PPL: variants seen among roughly 807,000 people sequenced by gnomAD.
PPL encodes periplakin, also known as 190 kDa paraneoplastic pemphigus antigen.
A neutral mutation model predicts 194.4 loss-of-function variants in PPL; 198 were observed. The ratio of observed to expected loss-of-function variants is 1.02; its 90% confidence interval spans 0.91 to 1.15. PPL has a LOEUF of 1.15. Among genes scored for constraint, PPL ranks in the 50% most tolerant of loss-of-function variants. The pLI is 0.00. For missense variants in PPL, 2,885 were observed against 2,294.8 expected, an observed-to-expected ratio of 1.26 and a Z score of -5.25; for synonymous variants, 1,220 against 972.4, an observed-to-expected ratio of 1.25 and a Z score of -4.74.
rs1429970757 is a variant in PPL at position 4,900,950 on chromosome 16, A to C, written c.564+14T>G. 3.1e-6 allele frequency: 5 copies of C among 1,613,894 alleles called. No homozygotes were observed. The highest frequency in any genetic ancestry group is 2.7e-5 in the African/African-American group (2 of 74,922). ...TCCATCCCTGGGTCCCCACCACACC[A>C]GCACACGCCCCACCTTGTCCCCGTC... is the stretch of plus-strand genomic sequence containing the variant. On this transcript the variant is annotated intron_variant, in intron 5 of 21. Coordinates refer to ENST00000345988, the MANE Select transcript of PPL (RefSeq NM_002705.5).
In PPL at chr16:4,900,707, G is replaced by A. The variant is rs2142363659; in HGVS notation, c.606+123C>T. 1.4e-5 allele frequency: 19 copies of A among 1,365,124 alleles called. No individual in the cohort carries two copies. The South Asian group carries it at 2.3e-4, about 17-fold the overall frequency. The allele number at this position is 1,365,124 out of a possible 1,614,324, so 84.6% of individuals were successfully genotyped here. On this transcript the variant is annotated intron_variant, in intron 6 of 21. Coordinates refer to ENST00000345988, the MANE Select transcript of PPL (RefSeq NM_002705.5). ...CCTGCCTCTGCCTCCCAAAGTGCTA[G>A]GCGTGAGCCACCATGCCCAGCTGCC...
Position 4,888,203 on chromosome 16 carries a change from C to T in PPL, c.2413G>A (p.Ala805Thr), listed in dbSNP as rs935243486. ...QQAVKDYELEAEKLRSLLDLE... is the reference protein window; with the variant it reads ...QQAVKDYELETEKLRSLLDLE... The stretch of plus-strand genomic sequence containing the variant: ...TCGAGAAGAGACCTTAGTTTTTCTG[C>T]TTCTAACTCATAGTCCTGCATGAGG... The change falls in exon 20 of 22, where the codon GCA (alanine) becomes ACA (threonine). Residue 805 changes from alanine (A) to threonine (T), a missense_variant. Ala to Thr is a moderately conservative substitution (Grantham distance 58). Transcript: ENST00000345988. 6 of 1,609,844 alleles carry T rather than the reference C, an allele frequency of 3.7e-6. No homozygotes were observed. Among genetic ancestry groups the T allele is most frequent in the Non-Finnish European group, 2.6e-6 (3 of 1,176,236 alleles).
At chr16:4,920,319 A>AAAAG (rs879640822) in intron 1 of PPL, among the ~76,000 whole-genome samples, 32,385 of 66,786 alleles carry the variant, frequency 0.48, 10,857 homozygotes, top group Non-Finnish European at 0.62. Flanking sequence ...AGAAGGAAAG[A>AAAAG]AAAGAAAGAA....
At chr16:4,926,878 C>CAAAAAAAAAAAAAAA (rs71402575) in intron 1 of PPL, among the ~76,000 whole-genome samples, 20 of 81,772 alleles carry the variant, frequency 2.4e-4, no homozygotes, top group Non-Finnish European at 4.3e-4. Context: ...GACTCTGTCT[C>CAAAAAAAAAAAAAAA]AAAAAAAAAA....
chr16:4,902,428 G>T lies in PPL; in HGVS notation c.416C>A (p.Ala139Glu). Residue 139 changes from alanine to glutamate, a missense_variant, in exon 4 of 22, where the codon GCG (alanine) becomes GAG (glutamate). Transcript: ENST00000345988. The surrounding 1 kb of genome is among the most constrained non-coding windows in gnomAD (Gnocchi z 4.0). ...VKEVDPQVNW[A>E]ALVEEKLDKL... ...TACCAGCTTCTCCTCCACCAGTGCC[G>T]CCCAGTTGACCTGTGGATCCACTTC... 1 of 1,613,976 alleles carries T rather than the reference G, an allele frequency of 6.2e-7. No homozygotes were observed. The highest frequency in any genetic ancestry group is 8.5e-7 in the Non-Finnish European group (1 of 1,179,932).
chr16:4,929,611 G>A (rs1266213783), intron 1 of PPL, among the ~76,000 whole-genome samples: 1 of 152,218 alleles, frequency 6.6e-6, no homozygotes, highest in Admixed American at 6.5e-5. Context: ...GAAGAGAAAT[G>A]TTATTGTTCA....
chr16:4,918,468 C>G (rs140076720), intron 1 of PPL, among the ~76,000 whole-genome samples: 1 of 152,012 alleles, frequency 6.6e-6, no homozygotes, highest in Non-Finnish European at 1.5e-5. Context: ...CTGCCCACTG[C>G]GAAGCAAGTC....
intron 9 of PPL, among the ~76,000 whole-genome samples, chr16:4,896,294 G>A (rs560120179): frequency 2.6e-5 from 4 of 152,222 alleles, no homozygotes; most frequent in East Asian, 1.9e-4. Flanking sequence ...AGAATTACCC[G>A]CAGCTTCTTA....
At chr16:4,916,031 T>A (rs965885827) in intron 1 of PPL, among the ~76,000 whole-genome samples, 1 of 152,124 alleles carries the variant, frequency 6.6e-6, no homozygotes, top group Admixed American at 6.5e-5. Flanking sequence ...CTACAATGGC[T>A]ATAATAAAAA....
At chr16:4,927,996 C>T (rs2089180754) in intron 1 of PPL, among the ~76,000 whole-genome samples, 1 of 152,240 alleles carries the variant, frequency 6.6e-6, no homozygotes, top group Non-Finnish European at 1.5e-5. Flanking sequence ...GTCCTGGCTG[C>T]TCAGGAGGCT....
chr16:4,883,811 A>G lies in PPL; in HGVS notation c.4844T>C (p.Leu1615Pro). ...CTTGAGGTCATCCAGTTCCCTCTCCAGGGACCACAGTCTGGAGTCATGGTT... is the reference window on the plus strand; with the variant it reads ...CTTGAGGTCATCCAGTTCCCTCTCCGGGGACCACAGTCTGGAGTCATGGTT... ...GTNHDSRLWS[L>P]ERELDDLKRL... The change falls in exon 22 of 22, where the codon CTG becomes CCG. Residue 1615 changes from leucine to proline, a missense_variant. Physicochemically the swap from Leu to Pro is moderately conservative, Grantham distance 98. Transcript: ENST00000345988. This position sits in a 1 kb window ranked among gnomAD's most constrained non-coding sequence, Gnocchi z 4.8. 3 of 1,614,080 alleles carry G rather than the reference A, an allele frequency of 1.9e-6. No homozygotes were observed. Among genetic ancestry groups the G allele is most frequent in the South Asian group, 2.2e-5 (2 of 91,076 alleles).
Position 4,893,384 on chromosome 16 carries a change from G to C in PPL, c.1493-14C>G, listed in dbSNP as rs771821820. On this transcript the variant is annotated splice_polypyrimidine_tract_variant and intron_variant, in intron 13 of 21. Transcript: ENST00000345988. ...GGTCAGAGGCATCTGTGGAGGGAGG[G>C]AGGACACAGGCAGGTGTGACAACGG... 1.9e-6 allele frequency: 3 copies of C among 1,603,872 alleles called. No homozygotes were observed. Among genetic ancestry groups the C allele is most frequent in the East Asian group, 4.5e-5 (2 of 44,840 alleles).
At chr16:4,919,028 A>C (rs1036781526) in intron 1 of PPL, among the ~76,000 whole-genome samples, 1 of 152,218 alleles carries the variant, frequency 6.6e-6, no homozygotes, top group Admixed American at 6.5e-5. Flanking sequence ...CACAGACAGC[A>C]GCCACCTGCC....
intron 2 of PPL, among the ~76,000 whole-genome samples, chr16:4,910,483 C>A (rs186808788): frequency 9.1e-4 from 139 of 152,212 alleles, no homozygotes; most frequent in Middle Eastern, 6.8e-3. Context: ...TAGAGCCTGA[C>A]CCCATGGCAC....
intron 9 of PPL, among the ~76,000 whole-genome samples, chr16:4,896,142 T>G (rs963179050): frequency 6.6e-6 from 1 of 152,130 alleles, no homozygotes; most frequent in Non-Finnish European, 1.5e-5. Context: ...AACTCTTGGT[T>G]CACTGTCAGC....
chr16:4,898,808 G>C (rs1943110698), intron 8 of PPL, among the ~76,000 whole-genome samples: 1 of 152,230 alleles, frequency 6.6e-6, no homozygotes, highest in Non-Finnish European at 1.5e-5. Context: ...GGCTTCAGAA[G>C]TCCAGGGGCT....
intron 19 of PPL, chr16:4,888,773 G>A: frequency 1.7e-6 from 1 of 586,170 alleles, no homozygotes; most frequent in Non-Finnish European, 3.1e-6. Flanking sequence ...CTGCTTCAGA[G>A]TATAAAACCC....
At chr16:4,895,481 C>T (rs1596551860) in intron 10 of PPL, 74 bp from the exon 11 acceptor site, 2 of 1,602,664 alleles carry the variant, frequency 1.2e-6, no homozygotes, top group South Asian at 1.1e-5. Context: ...AGAGCAGGGG[C>T]TGGATTCAGC....
chr16:4,929,828 G>A (rs11862914), intron 1 of PPL, among the ~76,000 whole-genome samples: 2 of 151,888 alleles, frequency 1.3e-5, no homozygotes, highest in South Asian at 2.1e-4. Flanking sequence ...TAAGACTAGA[G>A]GCATGCACCA....
Sources: gnomAD v4.1 joint callset for allele counts (sites outside exome capture counted in the v4.1 genomes callset) on GRCh38, gnomAD v4.1.1 for gene constraint, Gnocchi (gnomAD v3.1) non-coding constraint, MANE v1.5 for transcripts, NCBI Gene and HGNC (gene_info 2026-07-23, HGNC 2026-07-21) for gene names.